ACSL6: variants seen among roughly 807,000 people sequenced by gnomAD.
ACSL6 encodes acyl-CoA synthetase long chain family member 6.
Under a neutral mutation model 98.2 loss-of-function variants are expected in ACSL6, and 47 were observed. The observed-to-expected ratio is 0.48, with a 90% CI of 0.38 to 0.61. ACSL6 has a LOEUF of 0.61. Among genes scored for constraint, ACSL6 ranks in the 20% least tolerant of loss-of-function variants. The pLI, the probability that ACSL6 is intolerant of heterozygous loss-of-function variation, is 0.00. For synonymous variants in ACSL6, 362 were observed against 336.9 expected (o/e 1.07, Z -0.82); for missense variants, 761 against 913.4 (o/e 0.83, Z 2.15).
intron 4 of ACSL6, 110 bp downstream of exon 4, chr5:131,989,988 AGG>A (rs1160651183): frequency 8.6e-7 from 1 of 1,164,448 alleles, no homozygotes; most frequent in Non-Finnish European, 1.2e-6. Context: ...CAGACAGGCC[AGG>A]GAAATAAATG....
chr5:131,981,007 C>T (rs1393257559), intron 9 of ACSL6, among the ~76,000 whole-genome samples: 3 of 152,174 alleles, frequency 2.0e-5, no homozygotes, highest in African/African-American at 4.8e-5. Flanking sequence ...CTGACTCCCA[C>T]TCCACAAAGG....
chr5:131,993,879 A>G, intron 2 of ACSL6, 152 bp downstream of exon 2: 1 of 750,044 alleles, frequency 1.3e-6, no homozygotes, highest in Non-Finnish European at 2.1e-6. Context: ...ACCCTGCCCA[A>G]GGCTGCTGCA....
chr5:131,969,086 C>G (rs1439804312), intron 15 of ACSL6, among the ~76,000 whole-genome samples: 1 of 152,216 alleles, frequency 6.6e-6, no homozygotes, highest in Non-Finnish European at 1.5e-5. Context: ...GACCTGTTTC[C>G]CCTTTTGCTG....
At chr5:131,972,232 C>T (rs1278586598) in intron 13 of ACSL6, among the ~76,000 whole-genome samples, 3 of 152,112 alleles carry the variant, frequency 2.0e-5, no homozygotes, top group Admixed American at 6.5e-5. Context: ...TTGGATAATG[C>T]AGAGTTTAAA....
At chr5:131,971,278 A>G (rs971265912) in intron 14 of ACSL6, among the ~76,000 whole-genome samples, 1 of 152,166 alleles carries the variant, frequency 6.6e-6, no homozygotes, top group Non-Finnish European at 1.5e-5. Context: ...TGATCTGTCT[A>G]TGGTTTGTCT....
chr5:132,007,819 C>T (rs959508543), intron 1 of ACSL6, among the ~76,000 whole-genome samples: 2 of 152,210 alleles, frequency 1.3e-5, no homozygotes, highest in Non-Finnish European at 2.9e-5. Flanking sequence ...AGTGTAGCTT[C>T]TGTTATACAA....
chr5:131,977,721 T>C (rs1486934801), intron 9 of ACSL6, among the ~76,000 whole-genome samples: 2 of 152,128 alleles, frequency 1.3e-5, no homozygotes, highest in Non-Finnish European at 2.9e-5. Context: ...TAAGCCAACA[T>C]GTTAACTTTG....
chr5:131,986,772 G>A, intron 8 of ACSL6, 50 bp downstream of exon 8: 3 of 1,607,774 alleles, frequency 1.9e-6, no homozygotes, highest in Non-Finnish European at 2.6e-6. Context: ...GTGAGGACAG[G>A]CCCTGCACGC....
In ACSL6 at chr5:131,962,519, A is replaced by G; in HGVS notation, c.1857+16T>C. ...TGCCCAGGATATGTGGGAGGGCTGA[A>G]GCCTAGAGGCCTCACCTTTAAGCTG... On this transcript the variant is annotated intron_variant, in intron 18 of 20. Transcript: ENST00000651883. The G allele has an allele frequency of 6.2e-7, 1 of 1,602,264 alleles. No individual in the cohort carries two copies. The highest frequency in any genetic ancestry group is 1.7e-4 in the Middle Eastern group (1 of 5,974).
Position 131,954,371 on chromosome 5 carries a change from C to G in ACSL6, c.2032G>C (p.Val678Leu). The G allele has an allele frequency of 6.2e-7, 1 of 1,609,482 alleles. No homozygotes were observed. Among genetic ancestry groups the G allele is most frequent in the Non-Finnish European group, 8.5e-7 (1 of 1,178,808 alleles). Residue 678 changes from valine (V) to leucine (L), a missense_variant and splice_region_variant, in exon 21 of 21, where the codon GTT becomes CTT. By Grantham distance (32) the Val-to-Leu change is conservative. Transcript: ENST00000651883. ...KESGLHSFEQ[V>L]KAIHIHSDMF... ...TCAGAATGGATGTGAATGGCTTTAA[C>G]CTAAAAACCAAATGCAGAAAACATC...
At chr5:131,991,351 A>G (rs1754502186) in intron 2 of ACSL6, among the ~76,000 whole-genome samples, 1 of 152,168 alleles carries the variant, frequency 6.6e-6, no homozygotes, top group African/African-American at 2.4e-5. Flanking sequence ...TGGATTCAGG[A>G]ACAACCTGCC....
In ACSL6 at chr5:131,950,982, C is replaced by G; in HGVS notation, c.*3252G>C. 1 of 194,354 alleles carries G rather than the reference C, an allele frequency of 5.1e-6. No homozygotes were observed. Among genetic ancestry groups the G allele is most frequent in the Non-Finnish European group, 1.1e-5 (1 of 93,332 alleles). The allele number at this position is 194,354 out of a possible 1,614,324, so 12.0% of individuals were successfully genotyped here. A position where few individuals can be genotyped will look rare whatever the true frequency, so the allele number is the denominator to read the frequency against. ...TGAGTTCCTAATACATGGGGCTAGG[C>G]CTACACACTATACCTGACCAGAGTC... On this transcript the variant is annotated 3_prime_UTR_variant, in exon 21 of 21. Coordinates refer to ENST00000651883, the MANE Select transcript of ACSL6 (RefSeq NM_001009185.3).
chr5:131,963,790 A>G (rs529481324), intron 17 of ACSL6, among the ~76,000 whole-genome samples: 1 of 152,068 alleles, frequency 6.6e-6, no homozygotes, highest in Non-Finnish European at 1.5e-5. Flanking sequence ...AAAGAGAAAA[A>G]TGAGCAGACT....
rs367989916 is a variant in ACSL6 at position 131,951,069 on chromosome 5, A to T, written c.*3165T>A. 235 of 197,250 alleles carry T rather than the reference A, an allele frequency of 1.2e-3. No individual in the cohort carries two copies. The highest frequency in any genetic ancestry group is 5.1e-3 in the African/African-American group (223 of 43,438). The allele number at this position is 197,250 out of a possible 1,614,324, so 12.2% of individuals were successfully genotyped here. A position where few individuals can be genotyped will look rare whatever the true frequency, so the allele number is the denominator to read the frequency against. ...TAAAGACATCTTCCACAGCAAAAGGAAAAACAGATTTGGTATATATTTTAT... is the reference window on the plus strand; with the variant it reads ...TAAAGACATCTTCCACAGCAAAAGGTAAAACAGATTTGGTATATATTTTAT... On this transcript the variant is annotated 3_prime_UTR_variant, in exon 21 of 21. Transcript: ENST00000651883.
rs1343191384 is a variant in ACSL6, at chr5:131,962,695, A to T, written c.1714-17T>A. On this transcript the variant is annotated splice_polypyrimidine_tract_variant and intron_variant, in intron 17 of 20. Transcript: ENST00000651883. ...AGTTCCTGCCTGTAGAGTTGGACAAACAGCTTTATAAGAACATGGCACTCT... is the reference window on the plus strand; with the variant it reads ...AGTTCCTGCCTGTAGAGTTGGACAATCAGCTTTATAAGAACATGGCACTCT... 1 of 1,613,312 alleles carries T rather than the reference A, an allele frequency of 6.2e-7. No individual in the cohort carries two copies. The highest frequency in any genetic ancestry group is 1.1e-5 in the South Asian group (1 of 90,908).
intron 17 of ACSL6, among the ~76,000 whole-genome samples, chr5:131,963,833 G>A (rs1394198071): frequency 6.6e-6 from 1 of 152,094 alleles, no homozygotes; most frequent in African/African-American, 2.4e-5. Context: ...TAGACATCAG[G>A]CACTTTCCCT....
At chr5:131,982,192 G>A (rs1240867287) in intron 9 of ACSL6, 1 of 136,414 alleles carries the variant, frequency 7.3e-6, no homozygotes, top group East Asian at 2.1e-4. Context: ...CGCCCAGGCT[G>A]GAGTGCAGTG....
At chr5:131,955,818 G>T (rs1313831468) in intron 20 of ACSL6, among the ~76,000 whole-genome samples, 1 of 152,112 alleles carries the variant, frequency 6.6e-6, no homozygotes, top group African/African-American at 2.4e-5. Context: ...TTTAACCTTA[G>T]TTACAGGGAT....
chr5:132,005,615 G>A (rs568399343), intron 1 of ACSL6, among the ~76,000 whole-genome samples: 1 of 152,324 alleles, frequency 6.6e-6, no homozygotes, highest in African/African-American at 2.4e-5. Flanking sequence ...GCCTGTTTAT[G>A]AGGCAGGATC....
Sources: allele counts gnomAD v4.1 joint callset (sites outside exome capture counted in the v4.1 genomes callset), GRCh38; gene constraint gnomAD v4.1.1; transcripts MANE v1.5; gene names NCBI Gene and HGNC (gene_info 2026-07-23, HGNC 2026-07-21).